Variants in PCDH15 observed in about 807,000 individuals in gnomAD.
PCDH15 encodes the protein protocadherin-15.
In PCDH15, 129 loss-of-function variants were observed where a neutral mutation model predicts 178.5. The ratio of observed to expected loss-of-function variants is 0.72; its 90% CI spans 0.63 to 0.84. The LOEUF (loss-of-function observed/expected upper bound fraction) is 0.84. Among genes scored for constraint, PCDH15 ranks in the 40% least tolerant of loss-of-function variants. The pLI, the probability that PCDH15 is intolerant of heterozygous loss-of-function variation, is 0.00. For synonymous variants in PCDH15, 800 were observed against 732.0 expected (o/e 1.09, Z -1.50); for missense variants, 2,230 against 2,099.9 (o/e 1.06, Z -1.21).
intron 8 of PCDH15, among the ~76,000 whole-genome samples, chr10:54,303,683 A>G (rs2060287405): frequency 6.6e-6 from 1 of 152,130 alleles, no homozygotes; most frequent in Non-Finnish European, 1.5e-5. Context: ...GCTTCTCAAC[A>G]CAGGAAATAT....
At chr10:54,983,191 C>T (rs192639312) in intron 2 of PCDH15, among the ~76,000 whole-genome samples, 151 of 152,088 alleles carry the variant, frequency 9.9e-4, no homozygotes, top group Admixed American at 2.2e-3. Flanking sequence ...CCATCAAATC[C>T]TTTGGAAATT....
chr10:54,754,044 G>C (rs1392091023), intron 1 of PCDH15, among the ~76,000 whole-genome samples: 3 of 151,254 alleles, frequency 2.0e-5, no homozygotes, highest in Non-Finnish European at 4.4e-5. Context: ...TAGCCAGGAT[G>C]GTCTCGATCT....
At chr10:54,324,746 CAG>C (rs1190351878) in intron 7 of PCDH15, among the ~76,000 whole-genome samples, 1 of 151,946 alleles carries the variant, frequency 6.6e-6, no homozygotes, top group African/African-American at 2.4e-5. Context: ...GCCTGGGTGA[CAG>C]AGCAAAACCC....
At chr10:54,700,497 A>T (rs1051272620) in intron 1 of PCDH15, among the ~76,000 whole-genome samples, 1 of 152,134 alleles carries the variant, frequency 6.6e-6, no homozygotes, top group Admixed American at 6.6e-5. Context: ...ACTGAAAGAC[A>T]AAATAGCCAT....
In PCDH15 at chr10:55,339,226, T is replaced by A. The variant is rs554944506; in HGVS notation, c.-155-172575A>T. ...CCTAATTTAATTATTACATACTGTATGCCTGTATTAAAACATCACATGTGC... is the reference window on the plus strand; with the variant it reads ...CCTAATTTAATTATTACATACTGTAAGCCTGTATTAAAACATCACATGTGC... On this transcript the variant is annotated intron_variant, in intron 2 of 5. Transcript: ENST00000613346. Among the ~76,000 whole-genome samples the A allele has an allele frequency of 6.6e-4, 101 of 152,278 alleles. 2 individuals carry two copies. In the South Asian group the frequency reaches 0.021, roughly 31 times the overall value.
intron 2 of PCDH15, among the ~76,000 whole-genome samples, chr10:54,950,084 C>T (rs1257320898): frequency 1.3e-5 from 2 of 151,934 alleles, no homozygotes; most frequent in Admixed American, 6.6e-5. Flanking sequence ...ACTATTATCT[C>T]GATACCAATT....
chr10:55,181,881 A>G (rs1050274701), intron 1 of PCDH15, among the ~76,000 whole-genome samples: 1 of 151,958 alleles, frequency 6.6e-6, no homozygotes, highest in Admixed American at 6.6e-5. Flanking sequence ...GTCTCAGAAG[A>G]AAATTTGGGG....
intron 8 of PCDH15, among the ~76,000 whole-genome samples, chr10:54,296,169 A>AAAAAAAAAAAAAAT (rs2059769716): frequency 7.0e-6 from 1 of 142,526 alleles, no homozygotes; most frequent in Non-Finnish European, 1.5e-5. Flanking sequence ...AAAAAAAAAA[A>AAAAAAAAAAAAAAT]GTGGTTGGCA....
intron 14 of PCDH15, among the ~76,000 whole-genome samples, chr10:54,137,989 C>T (rs574144605): frequency 1.3e-5 from 2 of 152,200 alleles, no homozygotes; most frequent in Admixed American, 6.5e-5. Context: ...ACAGCAGCTA[C>T]CCCCAACTAC....
At chr10:54,142,088 T>G (rs1465819315) in intron 14 of PCDH15, among the ~76,000 whole-genome samples, 2 of 152,196 alleles carry the variant, frequency 1.3e-5, no homozygotes, top group Non-Finnish European at 2.9e-5. Flanking sequence ...CTTTGATGCT[T>G]TTGGTCACAG....
At chr10:54,375,722 G>C (rs1948289714) in intron 4 of PCDH15, among the ~76,000 whole-genome samples, 1 of 149,370 alleles carries the variant, frequency 6.7e-6, no homozygotes, top group South Asian at 2.1e-4. Flanking sequence ...GCCATTGTTA[G>C]TAGGATCAAA....
intron 8 of PCDH15, among the ~76,000 whole-genome samples, chr10:54,267,219 A>G (rs2057751347): frequency 6.6e-6 from 1 of 151,926 alleles, no homozygotes; most frequent in African/African-American, 2.4e-5. Flanking sequence ...ATTTGATAAA[A>G]TCCAACATGC....
chr10:53,891,400 G>C (rs2081545533), intron 26 of PCDH15, among the ~76,000 whole-genome samples: 1 of 152,042 alleles, frequency 6.6e-6, no homozygotes, highest in Non-Finnish European at 1.5e-5. Flanking sequence ...AAAAGTAAAT[G>C]CAAGCTTACC....
intron 2 of PCDH15, among the ~76,000 whole-genome samples, chr10:54,560,949 C>T (rs11004383): frequency 0.16 from 24,494 of 151,956 alleles, 2,174 homozygotes; most frequent in Admixed American, 0.28. Context: ...AAATCTATTA[C>T]CTTCTGTAAA....
intron 1 of PCDH15, among the ~76,000 whole-genome samples, chr10:54,794,997 C>A (rs1951815824): frequency 6.6e-6 from 1 of 151,844 alleles, no homozygotes; most frequent in Middle Eastern, 3.4e-3. Context: ...CTTTATTTAT[C>A]ATAATCTGCC....
chr10:54,863,917 T>C (rs1347749707), intron 3 of PCDH15, among the ~76,000 whole-genome samples: 1 of 152,184 alleles, frequency 6.6e-6, no homozygotes, highest in African/African-American at 2.4e-5. Flanking sequence ...GTAGCAGTAA[T>C]GTTTGAATAC....
At chr10:55,128,921 C>T (rs1171540089) in intron 2 of PCDH15, among the ~76,000 whole-genome samples, 3 of 152,194 alleles carry the variant, frequency 2.0e-5, no homozygotes, top group African/African-American at 7.2e-5. Flanking sequence ...AAATACAGAA[C>T]TCCTGGGTCA....
intron 1 of PCDH15, chr10:55,319,500 G>A (rs1350262577): frequency 6.6e-6 from 1 of 152,156 alleles, no homozygotes; most frequent in Admixed American, 6.5e-5. Context: ...CCAAGGGACT[G>A]GGTCACCGGG....
intron 28 of PCDH15, among the ~76,000 whole-genome samples, chr10:53,843,082 G>A (rs1165119701): frequency 6.6e-6 from 1 of 152,098 alleles, no homozygotes; most frequent in Non-Finnish European, 1.5e-5. Flanking sequence ...ATTCCTTCAT[G>A]GTAGCAGGGA....
Sources: allele counts gnomAD v4.1 joint callset (sites outside exome capture counted in the v4.1 genomes callset), GRCh38; gene constraint gnomAD v4.1.1; transcripts MANE v1.5; gene names NCBI Gene and HGNC (gene_info 2026-07-23, HGNC 2026-07-21).